Variants in NEDD4L observed in about 807,000 individuals in gnomAD.
NEDD4L encodes the protein E3 ubiquitin-protein ligase NEDD4-like.
A neutral mutation model predicts 148.9 loss-of-function variants in NEDD4L; 54 were observed. The ratio of observed to expected loss-of-function variants is 0.36; its 90% CI spans 0.29 to 0.45. The LOEUF (loss-of-function observed/expected upper bound fraction) is 0.45. Ranked by LOEUF, NEDD4L falls within the 20% of genes least tolerant of loss-of-function variation. The pLI is 1.00. For missense variants in NEDD4L, 856 were observed against 1,233.8 expected, an observed-to-expected ratio of 0.69 and a Z score of 4.59; for synonymous variants, 433 against 440.7, an observed-to-expected ratio of 0.98 and a Z score of 0.22.
intron 5 of NEDD4L, among the ~76,000 whole-genome samples, chr18:58,269,146 A>T (rs1162973862): frequency 3.9e-5 from 6 of 152,080 alleles, no homozygotes; most frequent in Non-Finnish European, 7.4e-5. Flanking sequence ...AGCAAAACAG[A>T]TGCAGGAAGA....
intron 24 of NEDD4L, among the ~76,000 whole-genome samples, chr18:58,374,666 C>CAAATAG (rs2047321680): frequency 6.6e-6 from 1 of 151,962 alleles, no homozygotes; most frequent in African/African-American, 2.4e-5. Flanking sequence ...TCCTCTGCTG[C>CAAATAG]CTTTGACACA....
At chr18:58,074,262 AT>A (rs765771513) in intron 1 of NEDD4L, among the ~76,000 whole-genome samples, 898 of 138,250 alleles carry the variant, frequency 6.5e-3, no homozygotes, top group Non-Finnish European at 7.5e-3. Context: ...TCATGCTAAG[AT>A]TTTTTTTTTT....
chr18:58,358,773 C>T (rs1451404417), intron 19 of NEDD4L, among the ~76,000 whole-genome samples: 2 of 152,010 alleles, frequency 1.3e-5, no homozygotes, highest in Non-Finnish European at 2.9e-5. Flanking sequence ...TCATTCAGTT[C>T]TAAATATTTG....
chr18:58,379,237 C>T (rs1003995034), intron 24 of NEDD4L, among the ~76,000 whole-genome samples: 2 of 152,226 alleles, frequency 1.3e-5, no homozygotes, highest in Non-Finnish European at 2.9e-5. Flanking sequence ...GCTGTTTCTC[C>T]TTGGTCACTT....
At chr18:58,234,045 TTTTCTTTCTTTCTTTC>T (rs1156456436) in intron 2 of NEDD4L, among the ~76,000 whole-genome samples, 150 of 117,964 alleles carry the variant, frequency 1.3e-3, no homozygotes, top group Admixed American at 3.4e-3. Flanking sequence ...ATTTCTTTCC[TTTTCTTTCTTTCTTTC>T]TTTCTTTCTT....
intron 5 of NEDD4L, among the ~76,000 whole-genome samples, chr18:58,267,769 T>C (rs2050428251): frequency 1.3e-5 from 2 of 152,158 alleles, no homozygotes; most frequent in South Asian, 4.1e-4. Flanking sequence ...GCGAGTCTGC[T>C]TCTGATTTGC....
intron 26 of NEDD4L, among the ~76,000 whole-genome samples, chr18:58,386,417 A>T (rs758911415): frequency 6.6e-6 from 1 of 152,216 alleles, no homozygotes; most frequent in African/African-American, 2.4e-5. Flanking sequence ...GTTCTCTTCT[A>T]TACAGATACA....
At chr18:58,155,098 T>C (rs1160140147) in intron 1 of NEDD4L, among the ~76,000 whole-genome samples, 2 of 152,212 alleles carry the variant, frequency 1.3e-5, no homozygotes, top group East Asian at 3.8e-4. Context: ...TCTAGCATCA[T>C]GCAGTTGCCT....
intron 2 of NEDD4L, among the ~76,000 whole-genome samples, chr18:58,229,319 G>A (rs1317204206): frequency 6.6e-6 from 1 of 152,202 alleles, no homozygotes; most frequent in Non-Finnish European, 1.5e-5. Context: ...GAGCCACGCT[G>A]CAGGTAGGCA....
chr18:58,208,113 C>T (rs2042156630), intron 2 of NEDD4L, among the ~76,000 whole-genome samples: 1 of 152,156 alleles, frequency 6.6e-6, no homozygotes, highest in African/African-American at 2.4e-5. Context: ...ATGGTTCCTA[C>T]TACCAAAGAG....
chr18:58,371,203 A>ATTTTTTTTTTTT (rs34960405), intron 23 of NEDD4L, among the ~76,000 whole-genome samples: 299 of 92,932 alleles, frequency 3.2e-3, no homozygotes, highest in African/African-American at 5.1e-3. Flanking sequence ...TGCCTGGCTA[A>ATTTTTTTTTTTT]TTTTTTTTTT....
At position 58,044,327 on chromosome 18, in the gene NEDD4L, G is replaced by C. The variant is rs1227679834; in HGVS notation, c.-334G>C. On this transcript the variant is annotated 5_prime_UTR_variant, in exon 1 of 31. Transcript: ENST00000400345. Reference sequence around the variant, plus strand: ...GGGGCGGAGAGCGGCGGGGCGGGAGGGAGGCGCGGGTCGCGGGGAGGGAAA... The same window carrying C: ...GGGGCGGAGAGCGGCGGGGCGGGAGCGAGGCGCGGGTCGCGGGGAGGGAAA... 6.4e-6 allele frequency: 1 copy of C among 157,194 alleles called. No individual in the cohort carries two copies. The highest frequency in any genetic ancestry group is 1.4e-5 in the Non-Finnish European group (1 of 71,924). The allele number at this position is 157,194 out of a possible 1,614,324, so 9.7% of individuals were successfully genotyped here. A position where few individuals can be genotyped will look rare whatever the true frequency, so the allele number is the denominator to read the frequency against.
At chr18:58,347,256 G>T (rs906062024) in intron 16 of NEDD4L, among the ~76,000 whole-genome samples, 1 of 118,612 alleles carries the variant, frequency 8.4e-6, no homozygotes, top group African/African-American at 3.5e-5. Flanking sequence ...TACCAATAGG[G>T]CTGATTGTCT....
intron 1 of NEDD4L, among the ~76,000 whole-genome samples, chr18:58,112,649 C>T (rs1040173266): frequency 6.6e-6 from 1 of 151,320 alleles, no homozygotes; most frequent in Admixed American, 6.6e-5. Context: ...CCACCATGCC[C>T]AGCTGATTTT....
At chr18:58,236,559 A>G (rs941240508) in intron 2 of NEDD4L, among the ~76,000 whole-genome samples, 3 of 152,012 alleles carry the variant, frequency 2.0e-5, no homozygotes, top group Non-Finnish European at 4.4e-5. Context: ...CTTTTCTTTT[A>G]CACATCCATG....
chr18:58,117,705 C>A (rs1451947461), intron 1 of NEDD4L, among the ~76,000 whole-genome samples: 2 of 152,162 alleles, frequency 1.3e-5, no homozygotes, highest in African/African-American at 4.8e-5. Context: ...TTTCCTGCCC[C>A]CAGCCTGGTT....
chr18:58,298,488 A>G (rs2056002964), intron 5 of NEDD4L, among the ~76,000 whole-genome samples: 1 of 152,148 alleles, frequency 6.6e-6, no homozygotes, highest in Non-Finnish European at 1.5e-5. Flanking sequence ...CACTTTTCTG[A>G]TTTTCAAAGT....
chr18:58,159,162 G>A (rs2035880502), intron 1 of NEDD4L, among the ~76,000 whole-genome samples: 1 of 152,114 alleles, frequency 6.6e-6, no homozygotes, highest in Non-Finnish European at 1.5e-5. Context: ...GATTCAACCT[G>A]GCAAGAGTTG....
At chr18:58,380,283 GTTTTCTT>G (rs1022597855) in intron 24 of NEDD4L, among the ~76,000 whole-genome samples, 17 of 143,310 alleles carry the variant, frequency 1.2e-4, no homozygotes, top group Admixed American at 4.8e-4. Context: ...TCTGCATACT[GTTTTCTT>G]TTTTATTTTA....
Sources: gnomAD v4.1 joint callset for allele counts (sites outside exome capture counted in the v4.1 genomes callset) on GRCh38, gnomAD v4.1.1 for gene constraint, MANE v1.5 for transcripts, NCBI Gene and HGNC (gene_info 2026-07-23, HGNC 2026-07-21) for gene names.